The following CHN2 variants were observed in gnomAD, a reference collection of about 807,000 sequenced individuals.
CHN2 encodes chimerin 2, also known as beta-chimaerin.
In CHN2, 35 loss-of-function variants were observed where a neutral mutation model predicts 56.3. That is an observed-to-expected ratio of 0.62 (90% CI 0.47 to 0.82). The LOEUF is 0.82. Ranked by LOEUF, CHN2 falls within the 40% of genes least tolerant of loss-of-function variation. The probability of loss-of-function intolerance (pLI) is 0.00; values close to 1 mark genes in which losing one functional copy is unlikely to be tolerated. For missense variants in CHN2, 491 were observed against 580.5 expected, an observed-to-expected ratio of 0.85 and a Z score of 1.58; for synonymous variants, 210 against 212.8, an observed-to-expected ratio of 0.99 and a Z score of 0.12.
intron 1 of CHN2, among the ~76,000 whole-genome samples, chr7:29,287,161 G>A (rs1416825544): frequency 4.1e-4 from 63 of 152,086 alleles, no homozygotes; most frequent in Non-Finnish European, 5.9e-5. Context: ...TTGATTCAAG[G>A]CACCAAGAGG....
intron 1 of CHN2, among the ~76,000 whole-genome samples, chr7:29,224,222 A>G (rs1786023480): frequency 6.6e-6 from 1 of 152,326 alleles, no homozygotes; most frequent in Non-Finnish European, 1.5e-5. Flanking sequence ...TCATTAATAT[A>G]GTTCCTTTTT....
At chr7:29,223,445 C>G (rs989230617) in intron 1 of CHN2, among the ~76,000 whole-genome samples, 4 of 152,180 alleles carry the variant, frequency 2.6e-5, no homozygotes, top group African/African-American at 9.7e-5. Context: ...ATATCAATCA[C>G]TATGCTGACT....
intron 12 of CHN2, among the ~76,000 whole-genome samples, chr7:29,510,412 C>T (rs1791167047): frequency 6.6e-6 from 1 of 152,094 alleles, no homozygotes; most frequent in Admixed American, 6.5e-5. Context: ...GTACTCCATC[C>T]TGGGCAACAG....
At chr7:29,279,698 A>G (rs1791529877) in intron 1 of CHN2, among the ~76,000 whole-genome samples, 1 of 152,188 alleles carries the variant, frequency 6.6e-6, no homozygotes, top group Non-Finnish European at 1.5e-5. Flanking sequence ...AGTGTGTCTA[A>G]GGCAGGAGCA....
chr7:29,433,378 C>T (rs61267950), intron 6 of CHN2, among the ~76,000 whole-genome samples: 5,819 of 152,228 alleles, frequency 0.038, 394 homozygotes, highest in African/African-American at 0.13. Context: ...GCCAAGGTCA[C>T]GGAGTAGGAA....
In CHN2 at chr7:29,453,417, A is replaced by G. The variant is rs144807334; in HGVS notation, c.577-26862A>G. Among the ~76,000 whole-genome samples, 921 of 152,296 alleles carry G rather than the reference A, an allele frequency of 6.0e-3. 4 individuals carry two copies. Among genetic ancestry groups the G allele is most frequent in the African/African-American group, 0.021 (868 of 41,548 alleles). ...GGATTTGAGTGTCAGCTGTTTACAG[A>G]AATTGTCTGGGAAGGCAAGTGCACA... On this transcript the variant is annotated intron_variant, in intron 6 of 12. Transcript: ENST00000222792.
intron 3 of CHN2, among the ~76,000 whole-genome samples, chr7:29,381,443 G>C (rs1800489819): frequency 6.6e-6 from 1 of 152,148 alleles, no homozygotes; most frequent in African/African-American, 2.4e-5. Context: ...GAATCACGGT[G>C]CCAAAGAAGA....
chr7:29,168,590 A>G (rs78224485), intron 2 of CHN2, among the ~76,000 whole-genome samples: 1,865 of 152,294 alleles, frequency 0.012, 46 homozygotes, highest in African/African-American at 0.042. Context: ...ACTCTTTGCA[A>G]TTTGGAGGTC....
intron 6 of CHN2, among the ~76,000 whole-genome samples, chr7:29,409,402 C>T (rs1802979750): frequency 6.6e-6 from 1 of 152,140 alleles, no homozygotes. Flanking sequence ...GTATGAATAA[C>T]ATATTTTTGT....
At chr7:29,410,129 TA>T (rs2128096045) in intron 6 of CHN2, among the ~76,000 whole-genome samples, 1 of 152,344 alleles carries the variant, frequency 6.6e-6, no homozygotes, top group Non-Finnish European at 1.5e-5. Context: ...TGAATGTTTT[TA>T]ATTTCATCGA....
At chr7:29,261,290 C>T (rs1441188485) in intron 1 of CHN2, among the ~76,000 whole-genome samples, 1 of 152,206 alleles carries the variant, frequency 6.6e-6, no homozygotes, top group Admixed American at 6.5e-5. Context: ...GGTGTTTGCA[C>T]TGTATCCATT....
At chr7:29,211,152 G>C (rs1160884076) in intron 1 of CHN2, among the ~76,000 whole-genome samples, 1 of 151,844 alleles carries the variant, frequency 6.6e-6, no homozygotes, top group Non-Finnish European at 1.5e-5. Context: ...CTCACTGCAA[G>C]CTCCGCCTCC....
chr7:29,272,503 G>A (rs1054020460), intron 1 of CHN2, among the ~76,000 whole-genome samples: 1 of 152,094 alleles, frequency 6.6e-6, no homozygotes, highest in African/African-American at 2.4e-5. Context: ...GAAAGAACCT[G>A]TGCCCAAGAC....
At chr7:29,374,308 G>A (rs1036296931) in intron 3 of CHN2, among the ~76,000 whole-genome samples, 1 of 152,026 alleles carries the variant, frequency 6.6e-6, no homozygotes, top group Non-Finnish European at 1.5e-5. Flanking sequence ...TAGTACAGGG[G>A]AAAAATCTAG....
At chr7:29,354,109 A>C (rs760432126) in intron 1 of CHN2, among the ~76,000 whole-genome samples, 1 of 152,212 alleles carries the variant, frequency 6.6e-6, no homozygotes, top group Admixed American at 6.5e-5. Flanking sequence ...AGATAATGCA[A>C]TTCCAATGGA....
intron 3 of CHN2, among the ~76,000 whole-genome samples, chr7:29,374,353 G>T (rs1258357135): frequency 2.6e-5 from 4 of 151,912 alleles, no homozygotes; most frequent in African/African-American, 9.7e-5. Flanking sequence ...TTTGACATAT[G>T]AATTTTTTTC....
At chr7:29,483,117 G>A (rs1425964645) in intron 7 of CHN2, among the ~76,000 whole-genome samples, 6 of 151,986 alleles carry the variant, frequency 3.9e-5, no homozygotes, top group African/African-American at 1.5e-4. Flanking sequence ...CACCGCGCCC[G>A]GCCTGCACTT....
intron 1 of CHN2, among the ~76,000 whole-genome samples, chr7:29,327,103 C>A (rs541571875): frequency 6.6e-6 from 1 of 152,208 alleles, no homozygotes; most frequent in East Asian, 1.9e-4. Flanking sequence ...GATGAGGAAG[C>A]TGGAAAGCAA....
intron 6 of CHN2, among the ~76,000 whole-genome samples, chr7:29,462,589 T>A (rs918371885): frequency 5.3e-5 from 8 of 152,182 alleles, no homozygotes; most frequent in Non-Finnish European, 1.2e-4. Flanking sequence ...AGTGCCTGCA[T>A]GAGGCCTCTC....
Sources: allele counts gnomAD v4.1 joint callset (sites outside exome capture counted in the v4.1 genomes callset), GRCh38; gene constraint gnomAD v4.1.1; transcripts MANE v1.5; gene names NCBI Gene and HGNC (gene_info 2026-07-23, HGNC 2026-07-21).